Variants in RNF125 observed in about 807,000 individuals in gnomAD.
RNF125 encodes the protein ring finger protein 125.
RNF125 carries 21 observed loss-of-function variants against 26.0 expected under a neutral mutation model. The observed-to-expected ratio is 0.81, with a 90% CI of 0.57 to 1.16. The LOEUF (loss-of-function observed/expected upper bound fraction) is 1.16. Ranked by LOEUF, RNF125 falls within the 50% of genes most tolerant of loss-of-function variation. RNF125 has a pLI of 0.00. For synonymous variants in RNF125, 95 were observed against 109.2 expected, an observed-to-expected ratio of 0.87 and a Z score of 0.81; for missense variants, 270 against 299.4, an observed-to-expected ratio of 0.90 and a Z score of 0.72.
At chr18:32,062,711 T>C (rs1413408341) in intron 4 of RNF125, among the ~76,000 whole-genome samples, 1 of 152,096 alleles carries the variant, frequency 6.6e-6, no homozygotes, top group Non-Finnish European at 1.5e-5. Flanking sequence ...AAAAGAACAT[T>C]GGAGGATCAG....
chr18:32,031,122 G>A (rs1229738750), intron 1 of RNF125: 1 of 151,952 alleles, frequency 6.6e-6, no homozygotes, highest in Non-Finnish European at 1.5e-5. Context: ...CTTGAACTTT[G>A]GGGGGACACA....
chr18:32,068,375 C>T lies in RNF125; in HGVS notation c.690C>T (p.Asn230=), dbSNP rs141596575. ...RSLLEYVNHS[N]TT ...TTCTTGAATATGTGAATCACTCGAA[C>T]ACCACATAATTTTATTAAAACGAAG... The change falls in exon 6 of 6, where the codon AAC becomes AAT. Residue 230 remains asparagine, a synonymous_variant. Coordinates refer to ENST00000217740, the MANE Select transcript of RNF125 (RefSeq NM_017831.4). The T allele has an allele frequency of 7.3e-4, 1,143 of 1,575,466 alleles. 8 individuals are homozygous for T. In the African/African-American group the frequency reaches 0.014, roughly 20 times the overall value.
intron 4 of RNF125, among the ~76,000 whole-genome samples, chr18:32,051,596 C>T (rs527998684): frequency 2.0e-5 from 2 of 102,092 alleles, no homozygotes; most frequent in African/African-American, 7.6e-5. Context: ...GCCTGGGCGA[C>T]AAGAGCAAGA....
At chr18:32,045,563 A>G (rs1013456321) in intron 3 of RNF125, 79 bp from the exon 4 acceptor site, 1 of 911,920 alleles carries the variant, frequency 1.1e-6, no homozygotes, top group Non-Finnish European at 1.6e-6. Flanking sequence ...TCTTGTCTCA[A>G]AAAAAAAAAG....
At chr18:32,049,400 A>G (rs2144490098) in intron 4 of RNF125, among the ~76,000 whole-genome samples, 1 of 152,358 alleles carries the variant, frequency 6.6e-6, no homozygotes, top group African/African-American at 2.4e-5. Context: ...CACAAGTAGT[A>G]AATGAATCAG....
In RNF125 at chr18:32,072,919, G is replaced by A. The variant is rs1055659732; in HGVS notation, c.*4535G>A. On this transcript the variant is annotated 3_prime_UTR_variant, in exon 6 of 6. Transcript: ENST00000217740. ...CAGGCAGACCTCCTTACTGTCTTCA[G>A]TGATGTTTAATTTCATTACTGTTAC... is the stretch of plus-strand genomic sequence containing the variant. The A allele has an allele frequency of 6.6e-6, 1 of 152,184 alleles. No individual in the cohort carries two copies. The highest frequency in any genetic ancestry group is 1.5e-5 in the Non-Finnish European group (1 of 68,032). The allele number at this position is 152,184 out of a possible 1,614,324, so 9.4% of individuals were successfully genotyped here.
At chr18:32,081,168 T>C in the RNF125 span, among the ~76,000 whole-genome samples, 1 of 130,084 alleles carries the variant, frequency 7.7e-6, no homozygotes, top group Admixed American at 9.8e-5. Context: ...GACTCCATCC[T>C]AGGCAACAGA....
chr18:32,028,956 G>A (rs1598809184), intron 1 of RNF125, among the ~76,000 whole-genome samples: 1 of 152,078 alleles, frequency 6.6e-6, no homozygotes, highest in Non-Finnish European at 1.5e-5. Context: ...AAATGTAAAA[G>A]TATCCCATAG....
chr18:32,039,405 G>T (rs2039194246), intron 2 of RNF125, among the ~76,000 whole-genome samples: 1 of 152,010 alleles, frequency 6.6e-6, no homozygotes, highest in South Asian at 2.1e-4. Flanking sequence ...ACAAAAAAGA[G>T]GAGCTGGGGA....
the RNF125 span, among the ~76,000 whole-genome samples, chr18:32,089,225 C>T: frequency 6.6e-6 from 1 of 152,184 alleles, no homozygotes; most frequent in Non-Finnish European, 1.5e-5. Flanking sequence ...CATTACATCT[C>T]AAGGAGCAGA....
intron 2 of RNF125, among the ~76,000 whole-genome samples, chr18:32,038,018 A>C (rs946541793): frequency 8.2e-5 from 12 of 146,754 alleles, no homozygotes. Flanking sequence ...AAACCTTGCT[A>C]CCACTCACTC....
the RNF125 span, among the ~76,000 whole-genome samples, chr18:32,081,677 T>TA: frequency 6.4e-3 from 972 of 152,306 alleles, 14 homozygotes; most frequent in African/African-American, 0.023. Flanking sequence ...ACATAGGAAT[T>TA]GGGGAGAGAA....
intron 2 of RNF125, among the ~76,000 whole-genome samples, chr18:32,039,065 C>T (rs1409685581): frequency 6.6e-6 from 1 of 151,452 alleles, no homozygotes; most frequent in Non-Finnish European, 1.5e-5. Flanking sequence ...CATGCCCAGC[C>T]CAGGATTGTA....
intron 1 of RNF125, among the ~76,000 whole-genome samples, chr18:32,020,002 CTGTGTG>C (rs149126113): frequency 1.2e-4 from 18 of 150,008 alleles, no homozygotes; most frequent in East Asian, 1.2e-3. Flanking sequence ...TCTCTGTTTA[CTGTGTG>C]TGTGTGTGTG....
intron 1 of RNF125, among the ~76,000 whole-genome samples, chr18:32,031,558 C>T (rs2039096615): frequency 6.7e-6 from 1 of 150,120 alleles, no homozygotes; most frequent in Admixed American, 6.6e-5. Flanking sequence ...ATCTGCTTGC[C>T]TCTAAATAAT....
downstream of RNF125, chr18:32,075,922 T>G (rs973565584): frequency 3.3e-6 from 5 of 1,508,546 alleles, no homozygotes; most frequent in Non-Finnish European, 4.5e-6. Flanking sequence ...CCTGTGTGTT[T>G]TCGTCTTTGC....
At chr18:32,020,756 A>G (rs938554062) in intron 1 of RNF125, among the ~76,000 whole-genome samples, 1 of 151,504 alleles carries the variant, frequency 6.6e-6, no homozygotes, top group Non-Finnish European at 1.5e-5. Context: ...TAAAAATACA[A>G]AAATTAGCCA....
In RNF125 at chr18:32,050,876, T is replaced by C. The variant is rs1315659042; in HGVS notation, c.504+5144T>C. On this transcript the variant is annotated intron_variant, in intron 4 of 5. Coordinates refer to ENST00000217740, the MANE Select transcript of RNF125 (RefSeq NM_017831.4). The stretch of plus-strand genomic sequence containing the variant: ...CTCGGTCTAGAGTGCTTTTTTTTTT[T>C]TTTTTTTTTTTTTTTTTTTTTTTGA... Among the ~76,000 whole-genome samples, 11 of 116,254 alleles carry C rather than the reference T, an allele frequency of 9.5e-5. 1 individual carries two copies. Among genetic ancestry groups the C allele is most frequent in the South Asian group, 6.1e-4 (2 of 3,260 alleles). 76.3% of individuals were successfully genotyped at this position (116,254 alleles called of 152,430 possible). A position where few individuals can be genotyped will look rare whatever the true frequency, so the allele number is the denominator to read the frequency against.
chr18:32,018,906 G>T lies in RNF125; in HGVS notation c.43G>T (p.Ala15Ser). ...CACCGACAGCGGCAAATCGGCGCCC[G>T]CCTCTGCCACCGCGCGGGCCCTGGA... is the stretch of plus-strand genomic sequence containing the variant. ...LSTDSGKSAP[A>S]SATARALERR... The change falls in exon 1 of 6, where the codon GCC (alanine) becomes TCC (serine). Residue 15 changes from alanine to serine, a missense_variant. Transcript: ENST00000217740. 1 of 1,606,036 alleles carries T rather than the reference G, an allele frequency of 6.2e-7. No individual in the cohort carries two copies. The highest frequency in any genetic ancestry group is 8.5e-7 in the Non-Finnish European group (1 of 1,176,572).
Sources: allele counts gnomAD v4.1 joint callset (sites outside exome capture counted in the v4.1 genomes callset), GRCh38; gene constraint gnomAD v4.1.1; transcripts MANE v1.5; gene names NCBI Gene and HGNC (gene_info 2026-07-23, HGNC 2026-07-21).